RBMX2: variants seen among roughly 807,000 people sequenced by gnomAD.
RBMX2 encodes the protein RNA-binding motif protein, X-linked 2.
For synonymous variants in RBMX2, 77 were observed against 94.3 expected (o/e 0.82, Z 1.07); for missense variants, 191 against 256.0 (o/e 0.75, Z 1.73).
At chrX:130,403,772 G>A (rs1235507025) in intron 2 of RBMX2, 30 bp from the exon 3 acceptor site, 1 of 1,193,759 alleles carries the variant, frequency 8.4e-7, no homozygotes, top group Non-Finnish European at 1.1e-6. Flanking sequence ...GTAAATGTTG[G>A]TGGAACTGAA....
Position 130,409,405 on chromosome X carries a change from C to G in RBMX2, c.303+19C>G. On this transcript the variant is annotated intron_variant, in intron 4 of 5. Transcript: ENST00000305536. ...GATCAAGGTGAGTGTGCTTATTAAG[C>G]AGGTTGGTTGGACTTTTTTCCCATG... is the stretch of plus-strand genomic sequence containing the variant. The G allele has an allele frequency of 8.4e-7, 1 of 1,194,033 alleles. No homozygotes were observed. Among genetic ancestry groups the G allele is most frequent in the South Asian group, 1.9e-5 (1 of 53,141 alleles).
chrX:130,403,946 C>T (rs1219884368), intron 3 of RBMX2, 93 bp downstream of exon 3: 12 of 905,822 alleles, frequency 1.3e-5, no homozygotes, highest in Non-Finnish European at 1.9e-5. Context: ...CTTATTTTCA[C>T]TCTAGGCTGA....
intron 3 of RBMX2, among the ~76,000 whole-genome samples, chrX:130,407,961 T>TTTTTTTCTA (rs1228587461): frequency 9.9e-5 from 11 of 111,180 alleles, no homozygotes; most frequent in Non-Finnish European, 1.7e-4. Flanking sequence ...TGCCTGATCT[T>TTTTTTTCTA]TTTTTTCTAT....
At chrX:130,403,727 G>A (rs375810676) in intron 2 of RBMX2, 75 bp from the exon 3 acceptor site, 15 of 954,519 alleles carry the variant, frequency 1.6e-5, no homozygotes, top group Non-Finnish European at 2.3e-5. Flanking sequence ...CACCCCTAGT[G>A]CCTGGCCTAG....
chrX:130,405,815 A>G (rs1326755809), intron 3 of RBMX2, among the ~76,000 whole-genome samples: 1 of 73,850 alleles, frequency 1.4e-5, no homozygotes, highest in Non-Finnish European at 3.0e-5. Flanking sequence ...AGGGCTTCTC[A>G]TTATTACTTT....
chrX:130,402,054 C>G lies in RBMX2; in HGVS notation c.5+17C>G, dbSNP rs1278200750. The G allele has an allele frequency of 8.3e-7, 1 of 1,197,919 alleles. No individual in the cohort carries two copies. Among genetic ancestry groups the G allele is most frequent in the Non-Finnish European group, 1.1e-6 (1 of 888,359 alleles). Reference sequence around the variant, plus strand: ...GGAGATGAAGTAAGGCGTCAGCTTCCTTTTGAGGAAGGAGCAGCGGGCCAC... The same window carrying G: ...GGAGATGAAGTAAGGCGTCAGCTTCGTTTTGAGGAAGGAGCAGCGGGCCAC... On this transcript the variant is annotated intron_variant, in intron 1 of 5. Coordinates refer to ENST00000305536, the MANE Select transcript of RBMX2 (RefSeq NM_016024.4).
chrX:130,403,451 C>T (rs1343285167), intron 2 of RBMX2, among the ~76,000 whole-genome samples: 1 of 112,267 alleles, frequency 8.9e-6, no homozygotes, highest in Non-Finnish European at 1.9e-5. Flanking sequence ...GCACTACAAC[C>T]TCTGCCTCCT....
chrX:130,412,162 G>A (rs1412793420), intron 5 of RBMX2, among the ~76,000 whole-genome samples, 199 bp from the exon 6 acceptor site: 2 of 106,349 alleles, frequency 1.9e-5, no homozygotes, highest in Non-Finnish European at 3.9e-5. Flanking sequence ...TCCTGACCTC[G>A]TGATCCGCCT....
Position 130,409,287 on chromosome X carries a change from G to A in RBMX2, c.204G>A (p.Val68=). ...GGGAGATTGTTAACATTAATCTCGT[G>A]CGGGACAAGAAAACTGGGAAATCCA... ...QYGEIVNINL[V]RDKKTGKSKG... The change falls in exon 4 of 6, where the codon GTG becomes GTA. Residue 68 remains valine, a synonymous_variant. Coordinates refer to ENST00000305536, the MANE Select transcript of RBMX2 (RefSeq NM_016024.4). 2 of 1,205,592 alleles carry A rather than the reference G, an allele frequency of 1.7e-6. No homozygotes were observed. The highest frequency in any genetic ancestry group is 3.5e-5 in the South Asian group (2 of 56,497).
chrX:130,402,224 T>TACCCA, intron 1 of RBMX2, 31 bp from the exon 2 acceptor site: 68 of 1,174,229 alleles, frequency 5.8e-5, no homozygotes, highest in African/African-American at 7.2e-5. Context: ...CTTTTCTGCC[T>TACCCA]ACCCTCCCCA....
At chrX:130,407,755 T>G (rs946488037) in intron 3 of RBMX2, among the ~76,000 whole-genome samples, 9 of 108,325 alleles carry the variant, frequency 8.3e-5, no homozygotes. Context: ...ACTCCTGGGC[T>G]CAAGTGATCC....
At chrX:130,402,194 G>C (rs1179033524) in intron 1 of RBMX2, 61 bp from the exon 2 acceptor site, 1 of 1,174,752 alleles carries the variant, frequency 8.5e-7, no homozygotes, top group African/African-American at 1.8e-5. Context: ...AGCTCCGGCC[G>C]GTTCGCACTT....
chrX:130,408,000 C>T (rs915405011), intron 3 of RBMX2, among the ~76,000 whole-genome samples: 1 of 110,466 alleles, frequency 9.1e-6, no homozygotes, highest in African/African-American at 3.3e-5. Flanking sequence ...TTTCTATCTT[C>T]CTTTTTGTTT....
chrX:130,410,958 G>C (rs1471211918), intron 4 of RBMX2, among the ~76,000 whole-genome samples: 1 of 112,296 alleles, frequency 8.9e-6, no homozygotes, highest in Non-Finnish European at 1.9e-5. Flanking sequence ...ATGTTTCACT[G>C]TAAACTTAGG....
intron 5 of RBMX2, among the ~76,000 whole-genome samples, chrX:130,412,072 G>A: frequency 9.2e-6 from 1 of 108,974 alleles, no homozygotes. Context: ...AGAAGCACCC[G>A]CCACCACACC....
intron 1 of RBMX2, 90 bp from the exon 2 acceptor site, chrX:130,402,165 C>G (rs2034458065): frequency 8.6e-7 from 1 of 1,161,691 alleles, no homozygotes; most frequent in Admixed American, 2.6e-5. Flanking sequence ...CAGCTCGTCC[C>G]CTAGTTTTGC....
At position 130,412,931 on chromosome X, in the gene RBMX2, A is replaced by G. The variant is rs2034522720; in HGVS notation, c.*83A>G. ...TCAGTTGGGTGGTTACTATTTTTGTATCTAAAACTTCTGGGGCTGGATTCT... is the reference window on the plus strand; with the variant it reads ...TCAGTTGGGTGGTTACTATTTTTGTGTCTAAAACTTCTGGGGCTGGATTCT... On this transcript the variant is annotated 3_prime_UTR_variant, in exon 6 of 6. Transcript: ENST00000305536. 1.0e-6 allele frequency: 1 copy of G among 983,243 alleles called. No homozygotes were observed. Among genetic ancestry groups the G allele is most frequent in the Non-Finnish European group, 1.4e-6 (1 of 736,830 alleles). The allele number at this position is 983,243 out of a possible 1,213,427, so 81.0% of individuals were successfully genotyped here.
chrX:130,402,068 G>A, intron 1 of RBMX2, 31 bp downstream of exon 1: 1 of 1,195,014 alleles, frequency 8.4e-7, no homozygotes, highest in East Asian at 3.0e-5. Flanking sequence ...TGAGGAAGGA[G>A]CAGCGGGCCA....
Position 130,412,798 on chromosome X carries a change from C to A in RBMX2, c.919C>A (p.Arg307Ser), listed in dbSNP as rs765618545. Residue 307 changes from arginine to serine, a missense_variant, in exon 6 of 6, where the codon CGC (arginine) becomes AGC (serine). Coordinates refer to ENST00000305536, the MANE Select transcript of RBMX2 (RefSeq NM_016024.4). ...ATCCCATAGGCATAAAAGGGCCCGA[C>A]GCTCCCGGGAGCGGGAGTCTTCGAA... is the stretch of plus-strand genomic sequence containing the variant. ...DKSHRHKRAR[R>S]SRERESSNPS... is the part of the protein sequence containing the mutation. 4 of 1,208,741 alleles carry A rather than the reference C, an allele frequency of 3.3e-6. No homozygotes were observed. Among genetic ancestry groups the A allele is most frequent in the Non-Finnish European group, 4.5e-6 (4 of 895,009 alleles).
Sources: gnomAD v4.1 joint callset for allele counts (sites outside exome capture counted in the v4.1 genomes callset) on GRCh38, gnomAD v4.1.1 for gene constraint, MANE v1.5 for transcripts, NCBI Gene and HGNC (gene_info 2026-07-23, HGNC 2026-07-21) for gene names.